Variants in SLC9C1 observed in about 807,000 individuals in gnomAD.
SLC9C1 encodes solute carrier family 9 member C1.
In SLC9C1, 97 loss-of-function variants were observed where a neutral mutation model predicts 140.9. The observed-to-expected ratio is 0.69, with a 90% confidence interval of 0.58 to 0.82. The LOEUF (loss-of-function observed/expected upper bound fraction) is 0.82, where lower values mean the gene tolerates loss of function less well. Ranked by LOEUF, SLC9C1 falls within the 40% of genes least tolerant of loss-of-function variation. The pLI is 0.00. For missense variants in SLC9C1, 1,340 were observed against 1,389.3 expected (o/e 0.96, Z 0.56); for synonymous variants, 440 against 442.6 (o/e 0.99, Z 0.07).
chr3:112,150,769 CATATATATATATAAATACATATACAT>C (rs1389076809), intron 28 of SLC9C1, among the ~76,000 whole-genome samples: 3,418 of 126,490 alleles, frequency 0.027, 139 homozygotes, highest in East Asian at 0.16. Context: ...TATAAAAATA[CATATATATATATAAATACATATACAT>C]ATATATATAT....
At chr3:112,204,581 A>T (rs1162646152) in intron 16 of SLC9C1, among the ~76,000 whole-genome samples, 178 bp from the exon 17 acceptor site, 1 of 152,062 alleles carries the variant, frequency 6.6e-6, no homozygotes, top group African/African-American at 2.4e-5. Flanking sequence ...GTAATAAAGG[A>T]ATACTCCTAG....
At chr3:112,275,092 A>T (rs2080180161) in intron 5 of SLC9C1, 67 bp from the exon 6 acceptor site, 1 of 1,462,958 alleles carries the variant, frequency 6.8e-7, no homozygotes, top group Non-Finnish European at 9.1e-7. Flanking sequence ...AATGTTAAAG[A>T]ATACAATTTT....
rs200437815 is a variant in SLC9C1, at chr3:112,183,349, C to CTTTTTTTT, written c.2524-1099_2524-1092dup. Among the ~76,000 whole-genome samples, 525 of 95,196 alleles carry CTTTTTTTT rather than the reference C, an allele frequency of 5.5e-3. 96 individuals are homozygous for CTTTTTTTT. The highest frequency in any genetic ancestry group is 0.021 in the African/African-American group (418 of 20,248). The allele number at this position is 95,196 out of a possible 152,430, so 62.5% of individuals were successfully genotyped here. On this transcript the variant is annotated intron_variant, in intron 20 of 28. Transcript: ENST00000305815. ...ACGACAATGATATTTAGCACCTTTT[C>CTTTTTTTT]TTTTTTTTTTTTTTTTTTTTTCAGC...
chr3:112,283,627 A>T (rs181564210), intron 2 of SLC9C1, among the ~76,000 whole-genome samples: 29 of 152,256 alleles, frequency 1.9e-4, no homozygotes, highest in African/African-American at 5.5e-4. Flanking sequence ...TAGTTAACTA[A>T]ATTGGATTAA....
rs568854165 is a variant in SLC9C1 at position 112,246,097 on chromosome 3, T to C, written c.1198-2021A>G. 5.3e-5 allele frequency among the ~76,000 whole-genome samples: 8 copies of C among 152,310 alleles called. No homozygotes were observed. The East Asian group carries it at 1.5e-3, about 29-fold the overall frequency. Reference sequence around the variant, plus strand: ...ATTATATTTTATTTCAAGCAACCTTTTTGTTCTTCATTTTCTGTTTCTGGG... The same window carrying C: ...ATTATATTTTATTTCAAGCAACCTTCTTGTTCTTCATTTTCTGTTTCTGGG... On this transcript the variant is annotated intron_variant, in intron 10 of 28. Coordinates refer to ENST00000305815, the MANE Select transcript of SLC9C1 (RefSeq NM_183061.3).
At chr3:112,263,960 T>C (rs1183264262) in intron 9 of SLC9C1, among the ~76,000 whole-genome samples, 1 of 151,816 alleles carries the variant, frequency 6.6e-6, no homozygotes, top group Non-Finnish European at 1.5e-5. Flanking sequence ...TACAAAAACA[T>C]TGGACAAAAT....
intron 10 of SLC9C1, among the ~76,000 whole-genome samples, chr3:112,247,959 C>A (rs1010403064): frequency 6.6e-6 from 1 of 151,570 alleles, no homozygotes; most frequent in Non-Finnish European, 1.5e-5. Context: ...ATGGACTAGA[C>A]GTATTGACTC....
intron 12 of SLC9C1, among the ~76,000 whole-genome samples, chr3:112,233,521 G>A (rs1431659741): frequency 1.3e-5 from 2 of 152,004 alleles, no homozygotes; most frequent in East Asian, 1.9e-4. Flanking sequence ...TAGGGTACAT[G>A]TGCACAATGT....
intron 18 of SLC9C1, 52 bp downstream of exon 18, chr3:112,202,198 G>A: frequency 6.3e-7 from 1 of 1,591,590 alleles, no homozygotes; most frequent in South Asian, 1.2e-5. Flanking sequence ...TGATGGATGA[G>A]GGCAACTGAG....
intron 28 of SLC9C1, among the ~76,000 whole-genome samples, chr3:112,149,000 G>T (rs1024912122): frequency 6.6e-6 from 1 of 152,130 alleles, no homozygotes; most frequent in South Asian, 2.1e-4. Context: ...AGATCTGCTT[G>T]TGTGTGGAGC....
Position 112,221,184 on chromosome 3 carries a change from C to T in SLC9C1, c.1614G>A (p.Gln538=), listed in dbSNP as rs375889407. 1.9e-6 allele frequency: 3 copies of T among 1,613,650 alleles called. No homozygotes were observed. In the African/African-American group the frequency reaches 4.0e-5, roughly 22 times the overall value. ...CACCAACCAACACCTGGACAGCACT[C>T]TGGGACAGAATCTCATTCCTGTATT... ...QRQYRNEILS[Q]SAVQVLVGAA... Residue 538 remains glutamine, a synonymous_variant, in exon 14 of 29, where the codon CAG becomes CAA. Coordinates refer to ENST00000305815, the MANE Select transcript of SLC9C1 (RefSeq NM_183061.3).
At chr3:112,224,602 TA>T (rs869250906) in intron 13 of SLC9C1, among the ~76,000 whole-genome samples, 1 of 62,916 alleles carries the variant, frequency 1.6e-5, no homozygotes, top group African/African-American at 4.9e-5. Flanking sequence ...ATAGATATTA[TA>T]AAAAAATAAC....
At chr3:112,273,856 AAT>A (rs1458342710) in intron 6 of SLC9C1, among the ~76,000 whole-genome samples, 2 of 152,086 alleles carry the variant, frequency 1.3e-5, no homozygotes, top group Admixed American at 1.3e-4. Context: ...AATGGATTAG[AAT>A]ATGTTGTGGA....
intron 28 of SLC9C1, among the ~76,000 whole-genome samples, chr3:112,141,679 G>T (rs947487733): frequency 6.6e-6 from 1 of 152,002 alleles, no homozygotes; most frequent in African/African-American, 2.4e-5. Flanking sequence ...GTGTTAAGAA[G>T]AAATAAATAA....
At position 112,169,205 on chromosome 3, in the gene SLC9C1, A is replaced by G. The variant is rs534678683; in HGVS notation, c.3043T>C (p.Ser1015Pro). 8.0e-5 allele frequency: 129 copies of G among 1,612,516 alleles called. 2 individuals carry two copies. In the South Asian group the frequency reaches 9.7e-4, roughly 12 times the overall value. ...ATACAAGCACTTCCTACCTCATAAG[A>G]TAAGTGTTCTCTGATTTTTCTGGCT... ...ITARKIREHLSYEDWNYNMQL... is the reference protein window; with the variant it reads ...ITARKIREHLPYEDWNYNMQL... Residue 1015 changes from serine to proline, a missense_variant, in exon 24 of 29, where the codon TCT becomes CCT. Transcript: ENST00000305815.
rs183754746 is a variant in SLC9C1, at chr3:112,179,818, G to C, written c.2749-117C>G. 1.6e-4 allele frequency: 115 copies of C among 732,158 alleles called. 1 individual carries two copies. The East Asian group carries it at 3.1e-3, about 20-fold the overall frequency. 45.4% of individuals were successfully genotyped at this position (732,158 alleles called of 1,614,324 possible). A position where few individuals can be genotyped will look rare whatever the true frequency, so the allele number is the denominator to read the frequency against. ...AATTCTAATATTTACATATTGTCTTGAGAATAAATATTTTATTTCTTTTTA... is the reference window on the plus strand; with the variant it reads ...AATTCTAATATTTACATATTGTCTTCAGAATAAATATTTTATTTCTTTTTA... On this transcript the variant is annotated intron_variant, in intron 22 of 28. Coordinates refer to ENST00000305815, the MANE Select transcript of SLC9C1 (RefSeq NM_183061.3).
intron 20 of SLC9C1, among the ~76,000 whole-genome samples, chr3:112,189,825 G>T (rs1354189192): frequency 6.6e-6 from 1 of 152,198 alleles, no homozygotes; most frequent in African/African-American, 2.4e-5. Flanking sequence ...ACCTTGGGCA[G>T]TATGGCCATT....
At chr3:112,222,502 A>G (rs1348136407) in intron 13 of SLC9C1, among the ~76,000 whole-genome samples, 2 of 152,174 alleles carry the variant, frequency 1.3e-5, no homozygotes, top group Non-Finnish European at 2.9e-5. Flanking sequence ...ATTTGAGGCA[A>G]TAAATCAAAA....
chr3:112,218,145 G>T (rs1437784585), intron 14 of SLC9C1, among the ~76,000 whole-genome samples: 5 of 149,198 alleles, frequency 3.4e-5, no homozygotes, highest in African/African-American at 1.2e-4. Flanking sequence ...GGTAGCACTT[G>T]TCCCAAGTTT....
Sources: allele counts gnomAD v4.1 joint callset (sites outside exome capture counted in the v4.1 genomes callset), GRCh38; gene constraint gnomAD v4.1.1; transcripts MANE v1.5; gene names NCBI Gene and HGNC (gene_info 2026-07-23, HGNC 2026-07-21).